DNM3: variants seen among roughly 807,000 people sequenced by gnomAD.
The protein encoded by DNM3 is dynamin-3.
In DNM3, 47 loss-of-function variants were observed where a neutral mutation model predicts 101.6. That is an observed-to-expected ratio of 0.46 (90% confidence interval 0.37 to 0.59). The LOEUF is 0.59. DNM3 is among the 20% of genes least tolerant of loss of function. The pLI is 0.00. For synonymous variants in DNM3, 385 were observed against 387.9 expected (o/e 0.99, Z 0.09); for missense variants, 849 against 1,085.7 (o/e 0.78, Z 3.06).
rs960091731 is a variant in DNM3 at position 172,178,316 on chromosome 1, ATAAACT to A, written c.1659+47033_1659+47038del. ...CCATCCAACACACTGGTGTTAAAAA[ATAAACT>A]TAAATCTTAAGAAAGTGTCCAGAGA... is the stretch of plus-strand genomic sequence containing the variant. On this transcript the variant is annotated intron_variant, in intron 14 of 20. Transcript: ENST00000627582. Among the ~76,000 whole-genome samples, 6 of 152,150 alleles carry A rather than the reference ATAAACT, an allele frequency of 3.9e-5. No homozygotes were observed. The Middle Eastern group carries it at 0.01, about 259-fold the overall frequency.
rs538871621 is a variant in DNM3, at chr1:171,914,811, G to A, written c.162-6937G>A. 4.6e-5 allele frequency among the ~76,000 whole-genome samples: 7 copies of A among 152,270 alleles called. No individual in the cohort carries two copies. In the East Asian group the frequency reaches 1.4e-3, roughly 29 times the overall value. On this transcript the variant is annotated intron_variant, in intron 1 of 20. Coordinates refer to ENST00000627582, the MANE Select transcript of DNM3 (RefSeq NM_015569.5). ...ACGAATCTTCTTGAAAGGGTATGTA[G>A]AAAGTGTAAAAAATATTTAGTGCCT... is the stretch of plus-strand genomic sequence containing the variant.
intron 14 of DNM3, among the ~76,000 whole-genome samples, chr1:172,182,366 G>C (rs2059381192): frequency 6.6e-6 from 1 of 152,006 alleles, no homozygotes; most frequent in African/African-American, 2.4e-5. Context: ...TAGAGGACAG[G>C]GTGCTCTGAA....
At chr1:171,967,284 C>G (rs1344511473) in intron 2 of DNM3, among the ~76,000 whole-genome samples, 1 of 152,116 alleles carries the variant, frequency 6.6e-6, no homozygotes, top group Non-Finnish European at 1.5e-5. Flanking sequence ...GTGAAGTGAG[C>G]TCTGGACCAG....
rs183957404 is a variant in DNM3 at position 172,347,748 on chromosome 1, G to A, written c.1893+24408G>A. On this transcript the variant is annotated intron_variant, in intron 17 of 20. Coordinates refer to ENST00000627582, the MANE Select transcript of DNM3 (RefSeq NM_015569.5). ...GGAAATAGTAGAATGGGGAAACACA[G>A]TATTCAAAGACGACTAACAGAACGT... Among the ~76,000 whole-genome samples the A allele has an allele frequency of 1.8e-3, 271 of 152,238 alleles. 2 individuals carry two copies. The highest frequency in any genetic ancestry group is 0.012 in the South Asian group (58 of 4,830).
chr1:172,399,272 G>T (rs540907446), intron 20 of DNM3, among the ~76,000 whole-genome samples: 137 of 152,170 alleles, frequency 9.0e-4, no homozygotes, highest in Non-Finnish European at 1.5e-3. Flanking sequence ...ACCTTTAGGA[G>T]TTTCATAGTG....
intron 14 of DNM3, among the ~76,000 whole-genome samples, chr1:172,213,054 T>C (rs1017299831): frequency 6.6e-6 from 1 of 152,070 alleles, no homozygotes; most frequent in Non-Finnish European, 1.5e-5. Flanking sequence ...TCTCAAGAAG[T>C]TGGTTTGCAA....
intron 20 of DNM3, among the ~76,000 whole-genome samples, chr1:172,392,602 C>T (rs78422872): frequency 2.0e-4 from 31 of 152,258 alleles, no homozygotes; most frequent in African/African-American, 6.7e-4. Context: ...TTGACATTAA[C>T]GGAACAAATT....
At chr1:172,102,758 C>T (rs1299240816) in intron 13 of DNM3, among the ~76,000 whole-genome samples, 11 of 152,126 alleles carry the variant, frequency 7.2e-5, no homozygotes, top group Non-Finnish European at 1.5e-4. Flanking sequence ...CTCTCTCCCT[C>T]CCTGCTTCCC....
intron 15 of DNM3, among the ~76,000 whole-genome samples, chr1:172,308,271 A>G (rs2148872764): frequency 6.6e-6 from 1 of 152,288 alleles, no homozygotes; most frequent in African/African-American, 2.4e-5. Context: ...CAATTTAATG[A>G]GCATTTCTGT....
chr1:172,048,489 T>C, intron 9 of DNM3, 123 bp from the exon 10 acceptor site: 1 of 1,167,714 alleles, frequency 8.6e-7, no homozygotes, highest in Non-Finnish European at 1.2e-6. Flanking sequence ...ACTATGTAAC[T>C]TTTAAACTTG....
chr1:171,899,463 A>G (rs554414166), intron 1 of DNM3, among the ~76,000 whole-genome samples: 15 of 152,348 alleles, frequency 9.8e-5, no homozygotes, highest in African/African-American at 3.6e-4. Context: ...ATAGGAAAGT[A>G]AGTACTCAGA....
chr1:171,975,014 C>T lies in DNM3; in HGVS notation c.236-12642C>T, dbSNP rs183164507. On this transcript the variant is annotated intron_variant, in intron 2 of 20. Transcript: ENST00000627582. ...TGCACGTGCATGCCACCATGCCTAG[C>T]TAATGAAAAAAAGATTTTTTTTTTT... Among the ~76,000 whole-genome samples the T allele has an allele frequency of 2.1e-4, 32 of 151,878 alleles. No homozygotes were observed. In the East Asian group the frequency reaches 5.8e-3, roughly 28 times the overall value.
chr1:172,090,118 T>G (rs1381769432), intron 12 of DNM3, among the ~76,000 whole-genome samples: 1 of 152,206 alleles, frequency 6.6e-6, no homozygotes, highest in Non-Finnish European at 1.5e-5. Context: ...AATAATTTGT[T>G]CAAAGGAAGC....
chr1:171,933,120 G>GC (rs2041157982), intron 2 of DNM3, among the ~76,000 whole-genome samples: 3 of 152,080 alleles, frequency 2.0e-5, no homozygotes, highest in African/African-American at 7.2e-5. Context: ...ACCTCAAAAT[G>GC]GGGTTTTTGC....
At chr1:172,166,580 C>T (rs11583855) in intron 14 of DNM3, among the ~76,000 whole-genome samples, 3 of 152,024 alleles carry the variant, frequency 2.0e-5, no homozygotes, top group Non-Finnish European at 4.4e-5. Context: ...AGTAATCCAA[C>T]GTGGGTTTTA....
At chr1:172,207,790 G>A (rs991029676) in intron 14 of DNM3, among the ~76,000 whole-genome samples, 2 of 151,980 alleles carry the variant, frequency 1.3e-5, no homozygotes, top group Non-Finnish European at 2.9e-5. Context: ...TTGGAAATCT[G>A]AGTTTCAGAG....
chr1:172,253,435 G>A (rs2062263054), intron 14 of DNM3, 138 bp from the exon 15 acceptor site: 4 of 611,604 alleles, frequency 6.5e-6, no homozygotes, highest in Non-Finnish European at 8.6e-6. Context: ...GCCAACTCAG[G>A]TGATGTGTTG....
At chr1:172,319,535 G>C (rs2065585539) in intron 16 of DNM3, among the ~76,000 whole-genome samples, 1 of 151,950 alleles carries the variant, frequency 6.6e-6, no homozygotes, top group Non-Finnish European at 1.5e-5. Flanking sequence ...AAATTTACAA[G>C]AAAAAAACAA....
chr1:172,247,659 A>AC (rs55871147), intron 14 of DNM3, among the ~76,000 whole-genome samples: 169 of 118,012 alleles, frequency 1.4e-3, no homozygotes, highest in African/African-American at 4.4e-3. Flanking sequence ...ATTATTTCTT[A>AC]TTTATTTATT....
Sources: allele counts gnomAD v4.1 joint callset (sites outside exome capture counted in the v4.1 genomes callset), GRCh38; gene constraint gnomAD v4.1.1; transcripts MANE v1.5; gene names NCBI Gene and HGNC (gene_info 2026-07-23, HGNC 2026-07-21).